The following CFAP299 variants were observed in gnomAD, a reference collection of about 807,000 sequenced individuals.
CFAP299 encodes cilia and flagella associated protein 299.
In CFAP299, 21 loss-of-function variants were observed where a neutral mutation model predicts 27.0. That is an observed-to-expected ratio of 0.78 (90% CI 0.55 to 1.12). The LOEUF is 1.12. Among genes scored for constraint, CFAP299 ranks in the 50% most tolerant of loss-of-function variants. The pLI, the probability that CFAP299 is intolerant of heterozygous loss-of-function variation, is 0.00. For synonymous variants in CFAP299, 104 were observed against 98.1 expected (o/e 1.06, Z -0.36); for missense variants, 310 against 276.6 (o/e 1.12, Z -0.86).
chr4:80,569,517 A>G (rs547634026), intron 2 of CFAP299, among the ~76,000 whole-genome samples: 1 of 152,152 alleles, frequency 6.6e-6, no homozygotes, highest in South Asian at 2.1e-4. Context: ...GTAATTCACA[A>G]CAAAGATAAA....
At chr4:80,931,163 G>T (rs1006519281) in intron 4 of CFAP299, among the ~76,000 whole-genome samples, 1 of 148,486 alleles carries the variant, frequency 6.7e-6, no homozygotes, top group South Asian at 2.3e-4. Context: ...GAGTGAGTGA[G>T]TGAGTGAGTG....
chr4:80,816,864 C>T (rs1428510823), intron 3 of CFAP299, among the ~76,000 whole-genome samples: 1 of 152,042 alleles, frequency 6.6e-6, no homozygotes, highest in Non-Finnish European at 1.5e-5. Flanking sequence ...TGCAAGAAAA[C>T]CTCATGAGGT....
At chr4:80,787,818 A>G (rs1326379603) in intron 3 of CFAP299, among the ~76,000 whole-genome samples, 1 of 151,806 alleles carries the variant, frequency 6.6e-6, no homozygotes, top group African/African-American at 2.4e-5. Context: ...GTTTTTCCCT[A>G]TCTATTTTTG....
intron 3 of CFAP299, among the ~76,000 whole-genome samples, chr4:80,869,151 A>C (rs972697062): frequency 6.6e-6 from 1 of 152,168 alleles, no homozygotes; most frequent in Non-Finnish European, 1.5e-5. Context: ...TTTGTGCTGC[A>C]TAAATTAAGA....
chr4:80,490,069 A>G (rs557298938), intron 2 of CFAP299, among the ~76,000 whole-genome samples: 1 of 152,216 alleles, frequency 6.6e-6, no homozygotes, highest in East Asian at 1.9e-4. Context: ...GGCTGAGACA[A>G]CCCGCGTAAG....
the CFAP299 span, among the ~76,000 whole-genome samples, chr4:80,323,201 A>AC: frequency 6.6e-6 from 1 of 152,232 alleles, no homozygotes; most frequent in African/African-American, 2.4e-5. Context: ...AGGCTCCTGA[A>AC]CAGTGATTGG....
chr4:80,571,150 G>A (rs1560630502), intron 2 of CFAP299, among the ~76,000 whole-genome samples: 1 of 152,008 alleles, frequency 6.6e-6, no homozygotes, highest in Non-Finnish European at 1.5e-5. Flanking sequence ...TGTAGGAGGT[G>A]GGAAAATGGA....
chr4:80,606,567 T>C (rs1384607560), intron 3 of CFAP299, among the ~76,000 whole-genome samples: 1 of 152,152 alleles, frequency 6.6e-6, no homozygotes, highest in Non-Finnish European at 1.5e-5. Flanking sequence ...ATAGCTACAG[T>C]AATAGGTATA....
intron 3 of CFAP299, among the ~76,000 whole-genome samples, chr4:80,769,552 G>A (rs1726091055): frequency 6.6e-6 from 1 of 152,088 alleles, no homozygotes; most frequent in African/African-American, 2.4e-5. Flanking sequence ...AAGCCACCAT[G>A]TGCAGCTAAT....
intron 2 of CFAP299, among the ~76,000 whole-genome samples, chr4:80,405,648 T>C (rs1266499584): frequency 6.6e-6 from 1 of 151,984 alleles, no homozygotes. Flanking sequence ...TTAGTATATA[T>C]ACTAATATAT....
At chr4:80,901,339 C>A (rs1276924868) in intron 4 of CFAP299, among the ~76,000 whole-genome samples, 2 of 152,096 alleles carry the variant, frequency 1.3e-5, no homozygotes, top group African/African-American at 4.8e-5. Context: ...GTTTTTCTAG[C>A]AGCTCCCAGG....
At chr4:80,788,573 A>G (rs1190463946) in intron 3 of CFAP299, among the ~76,000 whole-genome samples, 1 of 151,926 alleles carries the variant, frequency 6.6e-6, no homozygotes, top group East Asian at 1.9e-4. Flanking sequence ...AATCCTCTCT[A>G]TGGGGTGTGT....
At chr4:80,457,734 G>A (rs1277075229) in intron 2 of CFAP299, among the ~76,000 whole-genome samples, 1 of 152,078 alleles carries the variant, frequency 6.6e-6, no homozygotes, top group Non-Finnish European at 1.5e-5. Context: ...TTCATGGGAT[G>A]CTCCATGCAG....
At chr4:80,647,739 A>C (rs1302337399) in intron 3 of CFAP299, among the ~76,000 whole-genome samples, 3 of 152,180 alleles carry the variant, frequency 2.0e-5, no homozygotes, top group Non-Finnish European at 4.4e-5. Flanking sequence ...CATGTAATTG[A>C]ATCAAATGTT....
chr4:80,654,109 T>C (rs976659561), intron 3 of CFAP299, among the ~76,000 whole-genome samples: 5 of 152,270 alleles, frequency 3.3e-5, no homozygotes, highest in African/African-American at 4.8e-5. Context: ...CTCCATGACA[T>C]TGCGGTACTG....
chr4:80,489,679 G>C (rs1306743430), intron 2 of CFAP299, among the ~76,000 whole-genome samples: 2 of 152,128 alleles, frequency 1.3e-5, no homozygotes, highest in Non-Finnish European at 2.9e-5. Context: ...AACAGTGATA[G>C]GTTAGTGCTT....
At chr4:80,865,177 T>G (rs1220427419) in intron 3 of CFAP299, among the ~76,000 whole-genome samples, 1 of 152,206 alleles carries the variant, frequency 6.6e-6, no homozygotes, top group African/African-American at 2.4e-5. Flanking sequence ...TTTGAAACAA[T>G]TAAATGAGAT....
intron 2 of CFAP299, among the ~76,000 whole-genome samples, chr4:80,540,152 T>C (rs1733931935): frequency 6.6e-6 from 1 of 152,208 alleles, no homozygotes; most frequent in Non-Finnish European, 1.5e-5. Flanking sequence ...CTTGGAAGTT[T>C]TGTGAACTCC....
At chr4:80,388,290 C>A in intron 2 of CFAP299, 1 of 690,186 alleles carries the variant, frequency 1.4e-6, no homozygotes, top group Non-Finnish European at 2.7e-6. Context: ...CCTGAAATGG[C>A]AGACATGAGC....
Sources: allele counts gnomAD v4.1 joint callset (sites outside exome capture counted in the v4.1 genomes callset), GRCh38; gene constraint gnomAD v4.1.1; transcripts MANE v1.5; gene names NCBI Gene and HGNC (gene_info 2026-07-23, HGNC 2026-07-21).